TP53BP2: variants seen among roughly 807,000 people sequenced by gnomAD.
TP53BP2 encodes tumor protein p53 binding protein 2.
TP53BP2 carries 62 observed loss-of-function variants against 126.2 expected under a neutral mutation model. The observed-to-expected ratio is 0.49, with a 90% CI of 0.40 to 0.61. The LOEUF is 0.61. Ranked by LOEUF, TP53BP2 falls within the 20% of genes least tolerant of loss-of-function variation. TP53BP2 has a pLI of 0.00. For synonymous variants in TP53BP2, 485 were observed against 502.9 expected, an observed-to-expected ratio of 0.96 and a Z score of 0.48; for missense variants, 1,215 against 1,402.8, an observed-to-expected ratio of 0.87 and a Z score of 2.14.
At chr1:223,802,993 T>G (rs1395321993) in intron 7 of TP53BP2, 98 bp from the exon 8 acceptor site, 12 of 1,344,044 alleles carry the variant, frequency 8.9e-6, no homozygotes, top group Non-Finnish European at 1.2e-5. Context: ...TTTCTAAAAA[T>G]ATGAGGTCCC....
intron 9 of TP53BP2, among the ~76,000 whole-genome samples, chr1:223,801,454 T>C (rs1044173088): frequency 6.6e-6 from 1 of 152,210 alleles, no homozygotes; most frequent in Non-Finnish European, 1.5e-5. Flanking sequence ...GGCTATTACT[T>C]CTTCTGTCCA....
chr1:223,795,356 T>C (rs1662280233), intron 13 of TP53BP2, among the ~76,000 whole-genome samples: 1 of 152,156 alleles, frequency 6.6e-6, no homozygotes, highest in African/African-American at 2.4e-5. Context: ...TTTACCACTG[T>C]TGTAAGTTTG....
At chr1:223,834,100 A>G (rs1005193138) in intron 1 of TP53BP2, among the ~76,000 whole-genome samples, 2 of 152,240 alleles carry the variant, frequency 1.3e-5, no homozygotes, top group African/African-American at 4.8e-5. Context: ...ACGCCACATC[A>G]GGAATACAGA....
chr1:223,841,933 A>G (rs1210420873), intron 1 of TP53BP2, among the ~76,000 whole-genome samples: 2 of 148,164 alleles, frequency 1.3e-5, no homozygotes, highest in Non-Finnish European at 3.0e-5. Context: ...TTTTTGAGAC[A>G]GTCTCGCTCT....
intron 1 of TP53BP2, among the ~76,000 whole-genome samples, chr1:223,821,615 T>C (rs762936553): frequency 6.6e-6 from 1 of 152,190 alleles, no homozygotes; most frequent in Non-Finnish European, 1.5e-5. Flanking sequence ...TCAGTTCAAA[T>C]TAAATCTGTT....
intron 1 of TP53BP2, among the ~76,000 whole-genome samples, chr1:223,834,222 T>C (rs918627519): frequency 3.3e-5 from 5 of 152,184 alleles, no homozygotes; most frequent in African/African-American, 1.2e-4. Context: ...AGTAGTGATT[T>C]ACAACATGCA....
At chr1:223,825,026 AACACACAC>A (rs3058420) in intron 1 of TP53BP2, among the ~76,000 whole-genome samples, 19 of 143,560 alleles carry the variant, frequency 1.3e-4, no homozygotes, top group African/African-American at 7.8e-5. Flanking sequence ...TCCAACACCA[AACACACAC>A]ACACACACAC....
intron 1 of TP53BP2, among the ~76,000 whole-genome samples, chr1:223,844,069 G>A (rs1453162358): frequency 2.0e-5 from 3 of 152,054 alleles, no homozygotes; most frequent in African/African-American, 2.4e-5. Context: ...TGAAACTGAG[G>A]GACAAGTTTT....
rs1028710745 is a variant in TP53BP2 at position 223,802,039 on chromosome 1, A to G, written c.1225+77T>C. ...TCAAACATGAATAATGAATACAAAG[A>G]GAGATTTTTTTTAAACTCAAACTTG... On this transcript the variant is annotated intron_variant, in intron 9 of 17. Transcript: ENST00000343537. 4 of 1,370,040 alleles carry G rather than the reference A, an allele frequency of 2.9e-6. No individual in the cohort carries two copies. The East Asian group carries it at 9.2e-5, about 32-fold the overall frequency. The allele number at this position is 1,370,040 out of a possible 1,614,324, so 84.9% of individuals were successfully genotyped here.
chr1:223,820,623 G>A (rs1053165578), intron 2 of TP53BP2, among the ~76,000 whole-genome samples: 3 of 152,120 alleles, frequency 2.0e-5, no homozygotes, highest in African/African-American at 7.2e-5. Context: ...GGGATATCTG[G>A]CATCCCCAGA....
In TP53BP2 at chr1:223,796,681, CTT is replaced by C; in HGVS notation, c.1949-93_1949-92del. 1 of 1,233,792 alleles carries C rather than the reference CTT, an allele frequency of 8.1e-7. No individual in the cohort carries two copies. The highest frequency in any genetic ancestry group is 1.1e-6 in the Non-Finnish European group (1 of 899,980). The allele number at this position is 1,233,792 out of a possible 1,614,324, so 76.4% of individuals were successfully genotyped here. On this transcript the variant is annotated intron_variant, in intron 12 of 17. Transcript: ENST00000343537. The surrounding 1 kb of genome is among the most constrained non-coding windows in gnomAD (Gnocchi z 4.2). ...AAACAGCTAACAATAACTAAAGCCT[CTT>C]TTAATTTCATAGTTGTTACTACATA...
In TP53BP2 at chr1:223,802,152, G is replaced by A. The variant is rs1433836503; in HGVS notation, c.1189C>T (p.Pro397Ser). Residue 397 changes from proline to serine, a missense_variant, in exon 9 of 18, where the codon CCC becomes TCC. Transcript: ENST00000343537. ...GAAGCAGCCCCAGATCTCATGTTGG[G>A]CAGTGTCTGTATTTTCATCGGCCCC... ...SEGPMKIQTL[P>S]NMRSGAASQT... 2.5e-6 allele frequency: 4 copies of A among 1,614,056 alleles called. No homozygotes were observed. In the East Asian group the frequency reaches 8.9e-5, roughly 36 times the overall value.
intron 2 of TP53BP2, chr1:223,818,300 G>C (rs942959337): frequency 5.9e-5 from 9 of 152,098 alleles, no homozygotes; most frequent in African/African-American, 2.2e-4. Flanking sequence ...TCAGGAGATC[G>C]AGACCATCCT....
intron 1 of TP53BP2, among the ~76,000 whole-genome samples, chr1:223,824,604 T>C (rs1259841507): frequency 2.6e-5 from 4 of 152,062 alleles, no homozygotes; most frequent in South Asian, 2.1e-4. Flanking sequence ...AGTTCCCCAA[T>C]AGCTACACGT....
At chr1:223,793,171 C>T (rs1662208664) in intron 14 of TP53BP2, 132 bp downstream of exon 14, 4 of 716,240 alleles carry the variant, frequency 5.6e-6, no homozygotes, top group Non-Finnish European at 8.2e-6. Flanking sequence ...AATTTCTCTA[C>T]AGTCGCTTTC....
intron 8 of TP53BP2, 156 bp from the exon 9 acceptor site, chr1:223,802,500 A>G (rs1662562319): frequency 9.4e-6 from 8 of 851,266 alleles, no homozygotes; most frequent in African/African-American, 1.7e-5. Context: ...ACACTCCCCA[A>G]TGAACTCTCA....
At chr1:223,840,980 C>T (rs1664082815) in intron 1 of TP53BP2, among the ~76,000 whole-genome samples, 1 of 152,170 alleles carries the variant, frequency 6.6e-6, no homozygotes, top group African/African-American at 2.4e-5. Flanking sequence ...CTCCTGGGTG[C>T]GGTGGCTCAT....
intron 1 of TP53BP2, among the ~76,000 whole-genome samples, chr1:223,821,892 G>A (rs567654609): frequency 3.4e-5 from 5 of 145,298 alleles, no homozygotes; most frequent in Non-Finnish European, 5.9e-5. Context: ...TCAAAAAATT[G>A]TACTTTTTTT....
rs1158038771 is a variant in TP53BP2 at position 223,784,137 on chromosome 1, T to C, written c.3341A>G (p.Tyr1114Cys). Residue 1114 changes from tyrosine (Y) to cysteine (C), a missense_variant, in exon 17 of 18, where the codon TAT (tyrosine) becomes TGT (cysteine). Tyr to Cys is a radical substitution (Grantham distance 194). Around this residue, in one of 4 missense-constraint regions of TP53BP2, gnomAD observed 151 missense variants for 231.2 expected, o/e 0.65. Transcript: ENST00000343537. Reference sequence around the variant, plus strand: ...TACTCCCAGCAAGTTACGTGGAACATATCCCTCCTTATCATTAAGGCGCGC... The same window carrying C: ...TACTCCCAGCAAGTTACGTGGAACACATCCCTCCTTATCATTAAGGCGCGC... ...WWARLNDKEG[Y>C]VPRNLLGLYP... 1.2e-6 allele frequency: 2 copies of C among 1,614,196 alleles called. No homozygotes were observed. The highest frequency in any genetic ancestry group is 1.7e-5 in the Admixed American group (1 of 60,024).
Sources: gnomAD v4.1 joint callset for allele counts (sites outside exome capture counted in the v4.1 genomes callset) on GRCh38, gnomAD v4.1.1 for gene constraint, gnomAD v4.1.1 regional missense constraint, Gnocchi (gnomAD v3.1) non-coding constraint, MANE v1.5 for transcripts, NCBI Gene and HGNC (gene_info 2026-07-23, HGNC 2026-07-21) for gene names.